Variants in PLAT observed in about 807,000 individuals in gnomAD.
The protein encoded by PLAT is tissue-type plasminogen activator.
A neutral mutation model predicts 74.9 loss-of-function variants in PLAT; 48 were observed. The observed-to-expected ratio is 0.64, with a 90% CI of 0.51 to 0.82. PLAT has a LOEUF of 0.82. Ranked by LOEUF, PLAT falls within the 40% of genes least tolerant of loss-of-function variation. The probability of loss-of-function intolerance (pLI) is 0.00; values close to 1 mark genes in which losing one functional copy is unlikely to be tolerated. For synonymous variants in PLAT, 307 were observed against 294.4 expected (o/e 1.04, Z -0.44); for missense variants, 673 against 736.2 (o/e 0.91, Z 0.99).
intron 1 of PLAT, among the ~76,000 whole-genome samples, chr8:42,194,050 C>CTTTTTTTTTTTTTTTTTTTTTTTT (rs59850705): frequency 4.9e-4 from 42 of 84,920 alleles, no homozygotes; most frequent in East Asian, 7.6e-4. Flanking sequence ...TTTCTTCTTT[C>CTTTTTTTTTTTTTTTTTTTTTTTT]TTTTTTTTTT....
intron 2 of PLAT, among the ~76,000 whole-genome samples, chr8:42,192,386 AAAAT>A (rs1805722429): frequency 6.6e-6 from 1 of 152,150 alleles, no homozygotes; most frequent in Admixed American, 6.6e-5. Flanking sequence ...AGAAAAATAA[AAAAT>A]AATAATATAA....
intron 3 of PLAT, 142 bp from the exon 4 acceptor site, chr8:42,189,213 A>G (rs1006068393): frequency 2.5e-6 from 2 of 800,116 alleles, no homozygotes; most frequent in Non-Finnish European, 4.0e-6. Flanking sequence ...ACACAACTGG[A>G]AGACAACAAG....
intron 4 of PLAT, 147 bp from the exon 5 acceptor site, chr8:42,188,163 T>C: frequency 3.7e-6 from 2 of 541,990 alleles, no homozygotes; most frequent in Non-Finnish European, 6.5e-6. Flanking sequence ...ATCCTACAAA[T>C]ACTGTTTTCA....
intron 6 of PLAT, chr8:42,187,109 TATC>T (rs957886742): frequency 1.4e-4 from 41 of 302,970 alleles, no homozygotes; most frequent in Admixed American, 7.3e-4. Context: ...TCTATCAATC[TATC>T]ATCTATCTAT....
chr8:42,182,647 G>A (rs1805293681), intron 8 of PLAT, 72 bp downstream of exon 8: 1 of 1,191,136 alleles, frequency 8.4e-7, no homozygotes, highest in African/African-American at 1.5e-5. Context: ...TGAGACATTG[G>A]ATCTTCCCCC....
intron 1 of PLAT, among the ~76,000 whole-genome samples, chr8:42,201,189 G>A (rs370458089): frequency 1.3e-5 from 2 of 152,198 alleles, no homozygotes; most frequent in African/African-American, 2.4e-5. Flanking sequence ...AAGAAGGGGC[G>A]TGGTCACTGG....
intron 1 of PLAT, among the ~76,000 whole-genome samples, chr8:42,203,615 A>C (rs567335394): frequency 9.8e-5 from 15 of 152,316 alleles, no homozygotes; most frequent in Non-Finnish European, 1.9e-4. Flanking sequence ...CATTCTACAG[A>C]AGTTTCCCAA....
chr8:42,182,193 G>T, intron 8 of PLAT, 171 bp from the exon 9 acceptor site: 1 of 510,692 alleles, frequency 2.0e-6, no homozygotes, highest in East Asian at 3.7e-5. Flanking sequence ...CACCACACCA[G>T]GCCAGGAGTT....
intron 13 of PLAT, among the ~76,000 whole-genome samples, chr8:42,177,982 A>G (rs533870206): frequency 1.5e-4 from 23 of 152,328 alleles, no homozygotes; most frequent in African/African-American, 4.8e-4. Flanking sequence ...AGGAAGATCA[A>G]TTCCTTGGCT....
chr8:42,174,936 A>ATTCT lies in PLAT; in HGVS notation c.*1053_*1056dup, dbSNP rs900454310. Among the ~76,000 whole-genome samples, 24 of 150,562 alleles carry ATTCT rather than the reference A, an allele frequency of 1.6e-4. No homozygotes were observed. Among genetic ancestry groups the ATTCT allele is most frequent in the African/African-American group, 5.8e-4 (24 of 41,382 alleles). On this transcript the variant is annotated 3_prime_UTR_variant, in exon 14 of 14. Transcript: ENST00000220809. ...CTCACCCAGTTATTTTTTCCTTAAG[A>ATTCT]TTCTATTTTTTCCTTAAGATTCCCC...
chr8:42,178,700 A>G (rs971566439), intron 13 of PLAT, among the ~76,000 whole-genome samples, 197 bp downstream of exon 13: 26 of 152,170 alleles, frequency 1.7e-4, no homozygotes, highest in African/African-American at 6.0e-4. Context: ...TGCAGTTTAG[A>G]ATTCTTAGGT....
intron 1 of PLAT, among the ~76,000 whole-genome samples, chr8:42,198,845 T>C (rs1489628643): frequency 1.3e-5 from 2 of 152,070 alleles, no homozygotes; most frequent in East Asian, 3.9e-4. Context: ...AAATGACTCA[T>C]GGATTTAAAA....
chr8:42,187,815 C>T, intron 5 of PLAT, 91 bp downstream of exon 5: 3 of 954,884 alleles, frequency 3.1e-6, no homozygotes, highest in Non-Finnish European at 5.0e-6. Context: ...CCACCCCTGG[C>T]CCTGCCATCG....
In PLAT at chr8:42,178,938, G is replaced by C. The variant is rs538933951; in HGVS notation, c.1489C>G (p.Arg497Gly). The change falls in exon 13 of 14, where the codon CGG becomes GGG. Residue 497 changes from arginine to glycine, a missense_variant. Coordinates refer to ENST00000220809, the MANE Select transcript of PLAT (RefSeq NM_000930.5). ...TDNMLCAGDT[R>G]SGGPQANLHD... ...AAGTTTGCCTGGGGCCCGCCGCTCC[G>C]AGTGTCTCCAGCACACAGCATGTTG... 6.2e-7 allele frequency: 1 copy of C among 1,613,982 alleles called. No homozygotes were observed. Among genetic ancestry groups the C allele is most frequent in the Non-Finnish European group, 8.5e-7 (1 of 1,180,014 alleles).
chr8:42,204,120 G>T (rs1309138090), intron 1 of PLAT, among the ~76,000 whole-genome samples: 1 of 151,798 alleles, frequency 6.6e-6, no homozygotes, highest in African/African-American at 2.4e-5. Context: ...TTGACTTAGG[G>T]TTGGAGCAGG....
Position 42,182,974 on chromosome 8 carries a change from G to A in PLAT, c.632-84C>T, listed in dbSNP as rs1034177730. 7.9e-5 allele frequency: 89 copies of A among 1,122,862 alleles called. No individual in the cohort carries two copies. The East Asian group carries it at 1.9e-3, about 24-fold the overall frequency. The allele number at this position is 1,122,862 out of a possible 1,614,324, so 69.6% of individuals were successfully genotyped here. A position where few individuals can be genotyped will look rare whatever the true frequency, so the allele number is the denominator to read the frequency against. ...GGCTGGGGCTTGAAGCGGAGCTGCC[G>A]GTCGAGGAAGCTGGAGGCCGCTAGC... On this transcript the variant is annotated intron_variant, in intron 7 of 13. Transcript: ENST00000220809.
In PLAT at chr8:42,193,197, A is replaced by G. The variant is rs1805753266; in HGVS notation, c.-12T>C. On this transcript the variant is annotated 5_prime_UTR_variant, in exon 2 of 14. Coordinates refer to ENST00000220809, the MANE Select transcript of PLAT (RefSeq NM_000930.5). ...TTCATTGCATCCATGATTGCTTCACAGCGTCCCTTAAATTCTGGAAGGAGA... is the reference window on the plus strand; with the variant it reads ...TTCATTGCATCCATGATTGCTTCACGGCGTCCCTTAAATTCTGGAAGGAGA... 8.7e-6 allele frequency: 14 copies of G among 1,610,604 alleles called. No homozygotes were observed. The highest frequency in any genetic ancestry group is 1.0e-5 in the Non-Finnish European group (12 of 1,177,028).
At chr8:42,198,162 G>C (rs566089894) in intron 1 of PLAT, among the ~76,000 whole-genome samples, 2 of 152,194 alleles carry the variant, frequency 1.3e-5, no homozygotes, top group East Asian at 3.9e-4. Context: ...GTGAGACTCT[G>C]TCTCTGTTTA....
Position 42,176,094 on chromosome 8 carries a change from T to C in PLAT, c.1588A>G (p.Ile530Val). The C allele has an allele frequency of 3.7e-6, 6 of 1,613,998 alleles. No individual in the cohort carries two copies. The highest frequency in any genetic ancestry group is 5.1e-6 in the Non-Finnish European group (6 of 1,179,924). Residue 530 changes from isoleucine to valine, a missense_variant, in exon 14 of 14, where the codon ATC becomes GTC. Physicochemically the swap from Ile to Val is conservative, Grantham distance 29. Transcript: ENST00000220809. ...CCACAGCCCAGGCCCCAGCTGATGA[T>C]GCCCACCAAAGTCATGCGGCCATCG... ...LNDGRMTLVGIISWGLGCGQK... is the reference protein window; with the variant it reads ...LNDGRMTLVGVISWGLGCGQK...
Sources: allele counts gnomAD v4.1 joint callset (sites outside exome capture counted in the v4.1 genomes callset), GRCh38; gene constraint gnomAD v4.1.1; transcripts MANE v1.5; gene names NCBI Gene and HGNC (gene_info 2026-07-23, HGNC 2026-07-21).